RYR3: variants seen among roughly 807,000 people sequenced by gnomAD.
The protein encoded by RYR3 is brain ryanodine receptor-calcium release channel.
RYR3 carries 207 observed loss-of-function variants against 584.3 expected under a neutral mutation model. The ratio of observed to expected loss-of-function variants is 0.35; its 90% CI spans 0.32 to 0.40. RYR3 has a LOEUF of 0.40. Ranked by LOEUF, RYR3 falls within the 10% of genes least tolerant of loss-of-function variation. RYR3 has a pLI of 1.00. For synonymous variants in RYR3, 2,416 were observed against 2,248.5 expected, an observed-to-expected ratio of 1.07 and a Z score of -2.11; for missense variants, 5,616 against 6,089.2, an observed-to-expected ratio of 0.92 and a Z score of 2.59.
At chr15:33,470,364 G>T (rs1321725911) in intron 1 of RYR3, among the ~76,000 whole-genome samples, 3 of 152,026 alleles carry the variant, frequency 2.0e-5, no homozygotes, top group South Asian at 4.1e-4. Context: ...TTGTGGTCTT[G>T]TTCCAGTGAG....
At chr15:33,329,503 A>C (rs1970127252) in intron 1 of RYR3, among the ~76,000 whole-genome samples, 1 of 152,208 alleles carries the variant, frequency 6.6e-6, no homozygotes, top group African/African-American at 2.4e-5. Context: ...TGATGGAGAC[A>C]AAAAGAAATT....
chr15:33,383,423 G>T lies in RYR3; in HGVS notation c.51+72327G>T, dbSNP rs891856473. Among the ~76,000 whole-genome samples, 5 of 151,454 alleles carry T rather than the reference G, an allele frequency of 3.3e-5. No homozygotes were observed. In the East Asian group the frequency reaches 7.8e-4, roughly 23 times the overall value. On this transcript the variant is annotated intron_variant, in intron 1 of 103. Coordinates refer to ENST00000634891, the MANE Select transcript of RYR3 (RefSeq NM_001036.6). Reference sequence around the variant, plus strand: ...TACCTCTGACTGGTGATCCCTGTTGGCATCTTCCGGAAATTGCCTTCTGGA... The same window carrying T: ...TACCTCTGACTGGTGATCCCTGTTGTCATCTTCCGGAAATTGCCTTCTGGA...
intron 18 of RYR3, among the ~76,000 whole-genome samples, chr15:33,608,942 C>T (rs1029033277): frequency 6.6e-6 from 1 of 152,194 alleles, no homozygotes; most frequent in Admixed American, 6.5e-5. Context: ...GCAGCTATGG[C>T]TAAATAAAGT....
At chr15:33,663,971 C>T (rs1240607397) in intron 36 of RYR3, among the ~76,000 whole-genome samples, 1 of 152,172 alleles carries the variant, frequency 6.6e-6, no homozygotes, top group African/African-American at 2.4e-5. Context: ...GGGCTTCCTC[C>T]CTTCTTTAAC....
At chr15:33,663,016 A>G (rs984392978) in intron 35 of RYR3, 68 bp downstream of exon 35, 2 of 1,406,446 alleles carry the variant, frequency 1.4e-6, no homozygotes, top group Admixed American at 1.8e-5. Flanking sequence ...TATCAGGAAC[A>G]CACTGAGGAT....
rs745668291 is a variant in RYR3, at chr15:33,837,912, G to C, written c.11932G>C (p.Asp3978His). ...TGAGAATGACATGTTTAATTACGTT[G>C]ATTTTGTAGACCGGTTCCATGAGCC... is the stretch of plus-strand genomic sequence containing the variant. ...ADENDMFNYV[D>H]FVDRFHEPAK... The change falls in exon 89 of 104, where the codon GAT becomes CAT. Residue 3978 changes from aspartate to histidine, a missense_variant. Asp to His is a moderately conservative substitution (Grantham distance 81). Transcript: ENST00000634891. 2 of 1,614,010 alleles carry C rather than the reference G, an allele frequency of 1.2e-6. No homozygotes were observed. The highest frequency in any genetic ancestry group is 2.2e-5 in the South Asian group (2 of 91,076).
intron 3 of RYR3, among the ~76,000 whole-genome samples, chr15:33,508,643 C>G (rs536535432): frequency 6.6e-6 from 1 of 152,238 alleles, no homozygotes; most frequent in South Asian, 2.1e-4. Context: ...GAGCAAGTCT[C>G]CATCTCAAAA....
At chr15:33,632,734 G>A (rs185738541) in intron 23 of RYR3, among the ~76,000 whole-genome samples, 175 of 152,258 alleles carry the variant, frequency 1.1e-3, no homozygotes, top group African/African-American at 4.0e-3. Context: ...AGTCTTCTTT[G>A]AAATACGTTA....
At chr15:33,781,537 A>C (rs543260112) in intron 65 of RYR3, among the ~76,000 whole-genome samples, 1 of 152,164 alleles carries the variant, frequency 6.6e-6, no homozygotes, top group South Asian at 2.1e-4. Flanking sequence ...TTTCTTTGCC[A>C]CTGCTGTTTT....
chr15:33,530,519 A>C, intron 3 of RYR3, 73 bp from the exon 4 acceptor site: 1 of 1,017,946 alleles, frequency 9.8e-7, no homozygotes, highest in Middle Eastern at 2.0e-4. Flanking sequence ...GTCTCCCAGA[A>C]TTATTGTGTT....
intron 46 of RYR3, 121 bp from the exon 47 acceptor site, chr15:33,728,736 A>G: frequency 2.2e-6 from 2 of 918,004 alleles, no homozygotes; most frequent in South Asian, 3.2e-5. Context: ...CTCAATCTGT[A>G]TTTTTCCAAA....
At chr15:33,567,965 G>A (rs1037841709) in intron 12 of RYR3, among the ~76,000 whole-genome samples, 3 of 152,188 alleles carry the variant, frequency 2.0e-5, no homozygotes, top group African/African-American at 4.8e-5. Context: ...AATTGCATCA[G>A]AATCTGCAGA....
At chr15:33,666,024 T>C (rs4780145) in intron 36 of RYR3, among the ~76,000 whole-genome samples, 135,336 of 152,082 alleles carry the variant, frequency 0.89, 60,914 homozygotes, top group Non-Finnish European at 0.95. Flanking sequence ...TTCTTTTTTG[T>C]GACAGAGTCT....
At chr15:33,425,577 G>A (rs1171787753) in intron 1 of RYR3, among the ~76,000 whole-genome samples, 1 of 151,514 alleles carries the variant, frequency 6.6e-6, no homozygotes, top group African/African-American at 2.4e-5. Context: ...GTCTGCTATA[G>A]TCTACAGTCT....
intron 36 of RYR3, among the ~76,000 whole-genome samples, chr15:33,668,871 C>G (rs992185672): frequency 1.3e-5 from 2 of 151,958 alleles, no homozygotes; most frequent in Non-Finnish European, 2.9e-5. Flanking sequence ...TTTATAAGGA[C>G]AAATAATAGA....
At chr15:33,403,438 T>C (rs1461895546) in intron 1 of RYR3, among the ~76,000 whole-genome samples, 1 of 152,208 alleles carries the variant, frequency 6.6e-6, no homozygotes, top group Admixed American at 6.5e-5. Flanking sequence ...GGTGGATGTC[T>C]GATGTTTTGA....
In RYR3 at chr15:33,533,269, T is replaced by C. The variant is rs371870095; in HGVS notation, c.355-42T>C. The C allele has an allele frequency of 1.0e-5, 14 of 1,373,926 alleles. No homozygotes were observed. In the African/African-American group the frequency reaches 1.6e-4, roughly 15 times the overall value. The allele number at this position is 1,373,926 out of a possible 1,614,324, so 85.1% of individuals were successfully genotyped here. On this transcript the variant is annotated intron_variant, in intron 4 of 103. Coordinates refer to ENST00000634891, the MANE Select transcript of RYR3 (RefSeq NM_001036.6). ...CTAGTGGTAAGATACCAAGACTCAA[T>C]GGAAGAGTGTGACTTCACTAGTATT...
chr15:33,435,063 G>A (rs111300969), intron 1 of RYR3, among the ~76,000 whole-genome samples: 5 of 151,954 alleles, frequency 3.3e-5, no homozygotes, highest in African/African-American at 4.8e-5. Context: ...CTCATGATCC[G>A]CCCGCCTCGA....
intron 2 of RYR3, among the ~76,000 whole-genome samples, chr15:33,485,706 C>A (rs1031711519): frequency 6.6e-6 from 1 of 152,140 alleles, no homozygotes; most frequent in Non-Finnish European, 1.5e-5. Flanking sequence ...AGGATGACGA[C>A]CATGAATTTT....
Sources: gnomAD v4.1 joint callset for allele counts (sites outside exome capture counted in the v4.1 genomes callset) on GRCh38, gnomAD v4.1.1 for gene constraint, MANE v1.5 for transcripts, NCBI Gene and HGNC (gene_info 2026-07-23, HGNC 2026-07-21) for gene names.